The following ADK variants were observed in gnomAD, a reference collection of about 807,000 sequenced individuals.
The protein encoded by ADK is adenosine kinase, also known as N6,N6-dimethyladenosine kinase.
In ADK, 24 loss-of-function variants were observed where a neutral mutation model predicts 44.7. The ratio of observed to expected loss-of-function variants is 0.54; its 90% CI spans 0.39 to 0.76. The LOEUF is 0.76. ADK is among the 30% of genes least tolerant of loss of function. The pLI, the probability that ADK is intolerant of heterozygous loss-of-function variation, is 0.00. For missense variants in ADK, 321 were observed against 425.1 expected (o/e 0.76, Z 2.15); for synonymous variants, 128 against 142.6 (o/e 0.90, Z 0.73).
intron 3 of ADK, among the ~76,000 whole-genome samples, chr10:74,234,523 G>T (rs190352345): frequency 1.3e-5 from 2 of 152,114 alleles, no homozygotes; most frequent in African/African-American, 4.8e-5. Flanking sequence ...ATACCTACTT[G>T]AAAAGTATTT....
At chr10:74,260,459 C>T (rs975956161) in intron 3 of ADK, among the ~76,000 whole-genome samples, 2 of 152,108 alleles carry the variant, frequency 1.3e-5, no homozygotes, top group Non-Finnish European at 2.9e-5. Flanking sequence ...TTTGTAGAAA[C>T]AGGGTTTTGC....
At chr10:74,675,691 A>G (rs970562793) in intron 10 of ADK, among the ~76,000 whole-genome samples, 1 of 152,178 alleles carries the variant, frequency 6.6e-6, no homozygotes, top group East Asian at 1.9e-4. Flanking sequence ...TGTCACTGCC[A>G]TAGTAACAAA....
At chr10:74,283,564 T>C (rs1564632279) in intron 3 of ADK, among the ~76,000 whole-genome samples, 1 of 149,536 alleles carries the variant, frequency 6.7e-6, no homozygotes, top group Non-Finnish European at 1.5e-5. Context: ...CCAACTCTTA[T>C]TATCCTTTGA....
intron 6 of ADK, among the ~76,000 whole-genome samples, chr10:74,412,577 G>A (rs1386046155): frequency 5.3e-5 from 8 of 152,210 alleles, no homozygotes. Context: ...AGATTTGAAA[G>A]TCAAAATTAC....
At chr10:74,289,805 T>A (rs1364800858) in intron 3 of ADK, among the ~76,000 whole-genome samples, 1 of 149,534 alleles carries the variant, frequency 6.7e-6, no homozygotes, top group Admixed American at 6.9e-5. Flanking sequence ...TAAATCCAAT[T>A]TTGATGAGTT....
At chr10:74,467,600 T>C (rs1010882135) in intron 6 of ADK, among the ~76,000 whole-genome samples, 3 of 152,098 alleles carry the variant, frequency 2.0e-5, no homozygotes, top group African/African-American at 7.2e-5. Context: ...TAGAATAATA[T>C]ATGAAATGAA....
At chr10:74,415,685 C>T (rs1254895927) in intron 6 of ADK, among the ~76,000 whole-genome samples, 1 of 152,088 alleles carries the variant, frequency 6.6e-6, no homozygotes, top group Non-Finnish European at 1.5e-5. Context: ...CTGCTACCAT[C>T]ACTGTAATCT....
intron 6 of ADK, among the ~76,000 whole-genome samples, chr10:74,508,204 A>G (rs1848156217): frequency 1.3e-5 from 2 of 152,164 alleles, no homozygotes; most frequent in East Asian, 3.9e-4. Context: ...TCAGCAAGAT[A>G]TAGGATGATT....
At chr10:74,185,521 A>ATTTTT (rs11368451) in intron 1 of ADK, among the ~76,000 whole-genome samples, 3 of 144,808 alleles carry the variant, frequency 2.1e-5, no homozygotes, top group Middle Eastern at 3.6e-3. Context: ...CAACAATATA[A>ATTTTT]TTTTTTTTTT....
chr10:74,188,216 A>G (rs1416945520), intron 1 of ADK, among the ~76,000 whole-genome samples: 7 of 151,772 alleles, frequency 4.6e-5, no homozygotes, highest in African/African-American at 1.7e-4. Context: ...GTATGTCTCC[A>G]TTTGCATTCT....
At chr10:74,566,725 T>C (rs1003257391) in intron 7 of ADK, among the ~76,000 whole-genome samples, 1 of 152,218 alleles carries the variant, frequency 6.6e-6, no homozygotes, top group African/African-American at 2.4e-5. Flanking sequence ...TTACAATTTG[T>C]TTTTCTTGAT....
intron 7 of ADK, among the ~76,000 whole-genome samples, chr10:74,552,783 C>T (rs769551888): frequency 7.9e-5 from 12 of 151,998 alleles, no homozygotes; most frequent in Non-Finnish European, 1.3e-4. Context: ...TTGGACACTT[C>T]ATAGAGGGAA....
chr10:74,532,192 C>G (rs1403764050), intron 7 of ADK, among the ~76,000 whole-genome samples: 1 of 152,118 alleles, frequency 6.6e-6, no homozygotes, highest in African/African-American at 2.4e-5. Context: ...ATCCAGACAT[C>G]TATTTCTGTT....
At chr10:74,649,624 C>CAA (rs780181544) in intron 9 of ADK, among the ~76,000 whole-genome samples, 1 of 132,330 alleles carries the variant, frequency 7.6e-6, no homozygotes, top group Non-Finnish European at 1.6e-5. Flanking sequence ...GACTCTATAT[C>CAA]AAAAAAAAAA....
intron 2 of ADK, among the ~76,000 whole-genome samples, chr10:74,203,951 CTTTTTTTTTT>C (rs760810639): frequency 1.8e-3 from 169 of 95,832 alleles, no homozygotes; most frequent in African/African-American, 6.5e-3. Context: ...TTATTTAGGT[CTTTTTTTTTT>C]TTTTTTTTTT....
intron 6 of ADK, among the ~76,000 whole-genome samples, chr10:74,426,058 ACCC>A (rs1844785307): frequency 1.3e-5 from 2 of 152,326 alleles, no homozygotes; most frequent in South Asian, 4.1e-4. Flanking sequence ...ATATTAAAAC[ACCC>A]ATAATCCTAT....
chr10:74,302,809 G>A (rs1008945417), intron 3 of ADK, among the ~76,000 whole-genome samples: 5 of 151,744 alleles, frequency 3.3e-5, no homozygotes, highest in South Asian at 2.1e-4. Context: ...AAAAGGAAAC[G>A]AATTTATATT....
At chr10:74,459,614 A>G (rs1383338874) in intron 6 of ADK, among the ~76,000 whole-genome samples, 1 of 150,930 alleles carries the variant, frequency 6.6e-6, no homozygotes, top group Non-Finnish European at 1.5e-5. Context: ...CTGTAGTCCC[A>G]CCTGCTCGGG....
rs111314198 is a variant in ADK at position 74,340,292 on chromosome 10, G to A, written c.273+25547G>A. Among the ~76,000 whole-genome samples, 793 of 152,188 alleles carry A rather than the reference G, an allele frequency of 5.2e-3. 12 individuals are homozygous for A. Among genetic ancestry groups the A allele is most frequent in the African/African-American group, 0.017 (719 of 41,540 alleles). ...AAAGTACTGTGTTTATTGTTTCATTGTGTGTCTGCATTTAGTATTGTTTGT... is the reference window on the plus strand; with the variant it reads ...AAAGTACTGTGTTTATTGTTTCATTATGTGTCTGCATTTAGTATTGTTTGT... On this transcript the variant is annotated intron_variant, in intron 4 of 10. Transcript: ENST00000539909.
Sources: allele counts gnomAD v4.1 joint callset (sites outside exome capture counted in the v4.1 genomes callset), GRCh38; gene constraint gnomAD v4.1.1; transcripts MANE v1.5; gene names NCBI Gene and HGNC (gene_info 2026-07-23, HGNC 2026-07-21).